AP1S1: variants seen among roughly 807,000 people sequenced by gnomAD.
The protein encoded by AP1S1 is adaptor related protein complex 1 subunit sigma 1, also known as AP-1 complex subunit sigma-1A.
AP1S1 carries 13 observed loss-of-function variants against 23.9 expected under a neutral mutation model. That is an observed-to-expected ratio of 0.54 (90% CI 0.35 to 0.86). The LOEUF (loss-of-function observed/expected upper bound fraction) is 0.86. AP1S1 is among the 40% of genes least tolerant of loss of function. The pLI is 0.01. For synonymous variants in AP1S1, 84 were observed against 77.7 expected (o/e 1.08, Z -0.43); for missense variants, 119 against 197.6 (o/e 0.60, Z 2.38).
intron 1 of AP1S1, chr7:101,154,863 T>C (rs1796966096): frequency 1.1e-6 from 1 of 872,944 alleles, no homozygotes; most frequent in Non-Finnish European, 1.5e-6. Context: ...GTCTCTTTGC[T>C]GAGGGAGGGA....
At position 101,160,589 on chromosome 7, in the gene AP1S1, CGATGGGGTCCTGGCAGCGTGGCGG is replaced by C; in HGVS notation, c.*26_*49del. The C allele has an allele frequency of 6.2e-7, 1 of 1,609,574 alleles. No homozygotes were observed. Among genetic ancestry groups the C allele is most frequent in the Non-Finnish European group, 8.5e-7 (1 of 1,179,642 alleles). On this transcript the variant is annotated 3_prime_UTR_variant, in exon 5 of 5. Coordinates refer to ENST00000337619, the MANE Select transcript of AP1S1 (RefSeq NM_001283.5). ...TAGCCCCTGCTGGGCCGGGGTGTGG[CGATGGGGTCCTGGCAGCGTGGCGG>C]GAACGGCTGCTTCTCCTCTGCCCAG...
At chr7:101,158,900 GTCTC>G (rs1465500913) in intron 3 of AP1S1, among the ~76,000 whole-genome samples, 155 bp from the exon 4 acceptor site, 2 of 152,144 alleles carry the variant, frequency 1.3e-5, no homozygotes, top group African/African-American at 2.4e-5. Context: ...AAGAGACCCT[GTCTC>G]TAACAAAATA....
At chr7:101,157,758 G>A (rs1797016863) in intron 3 of AP1S1, among the ~76,000 whole-genome samples, 1 of 152,202 alleles carries the variant, frequency 6.6e-6, no homozygotes, top group Non-Finnish European at 1.5e-5. Flanking sequence ...AAGTTCAGAT[G>A]TTTTGATTAG....
At chr7:101,156,118 G>A (rs1399000651) in intron 1 of AP1S1, among the ~76,000 whole-genome samples, 1 of 152,164 alleles carries the variant, frequency 6.6e-6, no homozygotes, top group Non-Finnish European at 1.5e-5. Context: ...TGTAATCCCA[G>A]CTACTCAGGA....
chr7:101,156,992 C>G (rs896916350), intron 2 of AP1S1, among the ~76,000 whole-genome samples: 7 of 151,194 alleles, frequency 4.6e-5, no homozygotes, highest in Non-Finnish European at 1.0e-4. Flanking sequence ...CAACACCTGC[C>G]TCACTCACGT....
rs751750306 is a variant in AP1S1 at position 101,160,730 on chromosome 7, C to T, written c.*164C>T. The T allele has an allele frequency of 1.5e-5, 12 of 808,204 alleles. No individual in the cohort carries two copies. In the South Asian group the frequency reaches 1.7e-4, roughly 12 times the overall value. The allele number at this position is 808,204 out of a possible 1,614,324, so 50.1% of individuals were successfully genotyped here. ...GCTCAGGCCCTTCAAACATTCCCTCCCTCCACCCCCTACCTCCACTTTCCC... is the reference window on the plus strand; with the variant it reads ...GCTCAGGCCCTTCAAACATTCCCTCTCTCCACCCCCTACCTCCACTTTCCC... On this transcript the variant is annotated 3_prime_UTR_variant, in exon 5 of 5. Coordinates refer to ENST00000337619, the MANE Select transcript of AP1S1 (RefSeq NM_001283.5).
rs1252878057 is a variant in AP1S1, at chr7:101,159,095, G to A, written c.328G>A (p.Ala110Thr). The A allele has an allele frequency of 6.2e-7, 1 of 1,613,736 alleles. No individual in the cohort carries two copies. The change falls in exon 4 of 5, where the codon GCC becomes ACC. Residue 110 changes from alanine to threonine, a missense_variant. Coordinates refer to ENST00000337619, the MANE Select transcript of AP1S1 (RefSeq NM_001283.5). ...ELDIIFNFEKAYFILDEFLMG... is the reference protein window; with the variant it reads ...ELDIIFNFEKTYFILDEFLMG... ...GGACATCATCTTCAACTTTGAGAAG[G>A]CCTACTTCATCCTGGATGAGTTTTT...
chr7:101,156,200 C>T (rs570438526), intron 1 of AP1S1, among the ~76,000 whole-genome samples: 2 of 152,146 alleles, frequency 1.3e-5, no homozygotes, highest in East Asian at 3.9e-4. Flanking sequence ...CCACTGCACT[C>T]CAGCCTGGGC....
intron 2 of AP1S1, 64 bp downstream of exon 2, chr7:101,156,836 A>C: frequency 8.6e-6 from 12 of 1,402,782 alleles, no homozygotes; most frequent in Non-Finnish European, 1.0e-5. Context: ...AAAATGTCTG[A>C]GAAATGGTCG....
At position 101,159,430 on chromosome 7, in the gene AP1S1, C is replaced by T. The variant is rs753934350; in HGVS notation, c.429+234C>T. ...TGCACCCCTCATTCCAAGCTCTGTC[C>T]TTCTCCCAAGCCCCCAGATGTCTCG... is the stretch of plus-strand genomic sequence containing the variant. On this transcript the variant is annotated intron_variant, in intron 4 of 4. Coordinates refer to ENST00000337619, the MANE Select transcript of AP1S1 (RefSeq NM_001283.5). The T allele has an allele frequency of 7.3e-6, 4 of 548,530 alleles. No homozygotes were observed. In the South Asian group the frequency reaches 7.3e-5, roughly 10 times the overall value. 34.0% of individuals were successfully genotyped at this position (548,530 alleles called of 1,614,324 possible).
Position 101,160,086 on chromosome 7 carries a change from A to G in AP1S1, c.430-433A>G, listed in dbSNP as rs538267417. Among the ~76,000 whole-genome samples, 224 of 151,452 alleles carry G rather than the reference A, an allele frequency of 1.5e-3. 3 individuals carry two copies. The highest frequency in any genetic ancestry group is 2.5e-4 in the Non-Finnish European group (17 of 67,844). ...GACGCATCTCCCTGCAGCCTGGTTC[A>G]CCTTCCCTCAGGGACCTGGCACTCA... On this transcript the variant is annotated intron_variant, in intron 4 of 4. Coordinates refer to ENST00000337619, the MANE Select transcript of AP1S1 (RefSeq NM_001283.5).
intron 2 of AP1S1, among the ~76,000 whole-genome samples, chr7:101,157,080 A>ACG (rs776016346): frequency 4.6e-5 from 7 of 151,990 alleles, no homozygotes; most frequent in Non-Finnish European, 7.4e-5. Context: ...CCTAACACAC[A>ACG]CGCACACACA....
At chr7:101,158,971 A>G in intron 3 of AP1S1, 88 bp from the exon 4 acceptor site, 1 of 1,536,622 alleles carries the variant, frequency 6.5e-7, no homozygotes, top group East Asian at 2.3e-5. Context: ...GGTTGGGGGC[A>G]GAACCCAAGG....
Position 101,160,501 on chromosome 7 carries a change from T to C in AP1S1, c.430-18T>C. 1 of 1,610,466 alleles carries C rather than the reference T, an allele frequency of 6.2e-7. No homozygotes were observed. The highest frequency in any genetic ancestry group is 8.5e-7 in the Non-Finnish European group (1 of 1,179,794). Reference sequence around the variant, plus strand: ...CTCCTGGTGTCTCTGCGTCACCCTCTGTCTGTCTCTGCCTTAGGAGGATGA... The same window carrying C: ...CTCCTGGTGTCTCTGCGTCACCCTCCGTCTGTCTCTGCCTTAGGAGGATGA... On this transcript the variant is annotated intron_variant, in intron 4 of 4. Coordinates refer to ENST00000337619, the MANE Select transcript of AP1S1 (RefSeq NM_001283.5).
intron 4 of AP1S1, among the ~76,000 whole-genome samples, chr7:101,159,984 G>GCACACACA (rs1352652553): frequency 7.1e-6 from 1 of 140,580 alleles, no homozygotes; most frequent in African/African-American, 2.6e-5. Context: ...ACACCCTGGC[G>GCACACACA]CGCACACACA....
At chr7:101,156,893 G>A (rs1797000944) in intron 2 of AP1S1, 121 bp downstream of exon 2, 1 of 645,834 alleles carries the variant, frequency 1.5e-6, no homozygotes, top group African/African-American at 1.9e-5. Flanking sequence ...CTGGAGGACA[G>A]TAATGAATGT....
chr7:101,157,730 A>G (rs1797016306), intron 3 of AP1S1, among the ~76,000 whole-genome samples: 1 of 152,242 alleles, frequency 6.6e-6, no homozygotes, highest in Admixed American at 6.5e-5. Flanking sequence ...CTTAGCTCGG[A>G]CTTTTCACAC....
At chr7:101,157,697 A>C (rs902501281) in intron 3 of AP1S1, among the ~76,000 whole-genome samples, 2 of 152,256 alleles carry the variant, frequency 1.3e-5, no homozygotes, top group Non-Finnish European at 2.9e-5. Context: ...GGGCAGGATC[A>C]GGCACTTAAT....
In AP1S1 at chr7:101,159,199, A is replaced by G. The variant is rs1180691893; in HGVS notation, c.429+3A>G. ...AGCAGGCTGACCTACTGCAAGAGGT[A>G]CGGGCCAGGGACAGTGAGGAGGAGG... is the stretch of plus-strand genomic sequence containing the variant. On this transcript the variant is annotated splice_donor_region_variant and intron_variant, in intron 4 of 4. Coordinates refer to ENST00000337619, the MANE Select transcript of AP1S1 (RefSeq NM_001283.5). 1.9e-6 allele frequency: 3 copies of G among 1,609,016 alleles called. No homozygotes were observed. The highest frequency in any genetic ancestry group is 2.5e-6 in the Non-Finnish European group (3 of 1,177,840).
Sources: gnomAD v4.1 joint callset for allele counts (sites outside exome capture counted in the v4.1 genomes callset) on GRCh38, gnomAD v4.1.1 for gene constraint, MANE v1.5 for transcripts, NCBI Gene and HGNC (gene_info 2026-07-23, HGNC 2026-07-21) for gene names.